The following DOT1L variants were observed in gnomAD, a reference collection of about 807,000 sequenced individuals.
DOT1L encodes the protein DOT1 like histone lysine methyltransferase.
Under a neutral mutation model 153.3 loss-of-function variants are expected in DOT1L, and 33 were observed. That is an observed-to-expected ratio of 0.22 (90% CI 0.16 to 0.29). The LOEUF is 0.29. DOT1L is among the 10% of genes least tolerant of loss of function. The pLI, the probability that DOT1L is intolerant of heterozygous loss-of-function variation, is 1.00. For synonymous variants in DOT1L, 1,135 were observed against 965.1 expected (o/e 1.18, Z -3.26); for missense variants, 1,847 against 2,119.9 (o/e 0.87, Z 2.53).
In DOT1L at chr19:2,190,470, G is replaced by C. The variant is rs1476197484; in HGVS notation, c.265-542G>C. Among the ~76,000 whole-genome samples, 1 of 152,086 alleles carries C rather than the reference G, an allele frequency of 6.6e-6. No individual in the cohort carries two copies. Among genetic ancestry groups the C allele is most frequent in the Non-Finnish European group, 1.5e-5 (1 of 67,996 alleles). On this transcript the variant is annotated intron_variant, in intron 4 of 27. Coordinates refer to ENST00000398665, the MANE Select transcript of DOT1L (RefSeq NM_032482.3). The surrounding 1 kb of genome is among the most constrained non-coding windows in gnomAD (Gnocchi z 4.8). The stretch of plus-strand genomic sequence containing the variant: ...GGGCTGCCCCATCAGCCTGCCACCC[G>C]GCTCTGGCTTCCCCTCAACCTCATG...
chr19:2,205,711 T>A (rs998068161), intron 9 of DOT1L, among the ~76,000 whole-genome samples: 13 of 152,148 alleles, frequency 8.5e-5, no homozygotes, highest in Non-Finnish European at 1.6e-4. Flanking sequence ...TGTTTTTTTT[T>A]GAGACAGGGT....
rs73514456 is a variant in DOT1L at position 2,182,467 on chromosome 19, G to A, written c.125+1711G>A. On this transcript the variant is annotated intron_variant, in intron 2 of 27. Coordinates refer to ENST00000398665, the MANE Select transcript of DOT1L (RefSeq NM_032482.3). ...GAGGTGGGAGGATCACTTGAGACCA[G>A]TGGCGCTGTGATTGTGCCACCGCCC... is the stretch of plus-strand genomic sequence containing the variant. Among the ~76,000 whole-genome samples, 1,483 of 152,284 alleles carry A rather than the reference G, an allele frequency of 9.7e-3. 23 individuals carry two copies. Among genetic ancestry groups the A allele is most frequent in the African/African-American group, 0.033 (1,390 of 41,548 alleles).
In DOT1L at chr19:2,206,733, C is replaced by T. The variant is rs756594301; in HGVS notation, c.792C>T (p.Gly264=). ...KERFANMKEG[G]RIVSSKPFAP... ...TAAGCAGTGTCTGTGTTTCAGGTGG[C>T]AGAATCGTGTCCTCGAAACCCTTTG... Residue 264 remains glycine (G), a synonymous_variant, in exon 10 of 28, where the codon GGC becomes GGT. Coordinates refer to ENST00000398665, the MANE Select transcript of DOT1L (RefSeq NM_032482.3). The T allele has an allele frequency of 7.4e-6, 12 of 1,613,700 alleles. No homozygotes were observed. The highest frequency in any genetic ancestry group is 1.3e-5 in the African/African-American group (1 of 74,870).
chr19:2,216,585 T>G lies in DOT1L; in HGVS notation c.2228T>G (p.Leu743Arg). The change falls in exon 20 of 28, where the codon CTG (leucine) becomes CGG (arginine). Residue 743 changes from leucine to arginine, a missense_variant. Physicochemically the swap from Leu to Arg is moderately radical, Grantham distance 102 (BLOSUM62 -2). This residue lies in a region of DOT1L where 281 missense variants were observed against 263.6 expected (regional missense o/e 1.07). Coordinates refer to ENST00000398665, the MANE Select transcript of DOT1L (RefSeq NM_032482.3). ...QNTPQYLASP[L>R]DQEVVPCTPS... ...ACGCCCCAGTACCTGGCCTCACCCC[T>G]GGACCAGGAGGTGGTGCCCTGTACC... 1 of 1,608,532 alleles carries G rather than the reference T, an allele frequency of 6.2e-7. No individual in the cohort carries two copies. The highest frequency in any genetic ancestry group is 8.5e-7 in the Non-Finnish European group (1 of 1,179,896).
chr19:2,196,786 G>A (rs962854213), intron 7 of DOT1L, among the ~76,000 whole-genome samples: 1 of 152,156 alleles, frequency 6.6e-6, no homozygotes, highest in Non-Finnish European at 1.5e-5. Flanking sequence ...AGGGCAAGAC[G>A]GGTACCCTTC....
rs1237226554 is a variant in DOT1L, at chr19:2,208,642, T to G, written c.964-293T>G. Among the ~76,000 whole-genome samples, 1 of 152,136 alleles carries G rather than the reference T, an allele frequency of 6.6e-6. No individual in the cohort carries two copies. The highest frequency in any genetic ancestry group is 1.5e-5 in the Non-Finnish European group (1 of 68,008). On this transcript the variant is annotated intron_variant, in intron 11 of 27. Transcript: ENST00000398665. The surrounding 1 kb of genome is among the most constrained non-coding windows in gnomAD (Gnocchi z 4.4). Reference sequence around the variant, plus strand: ...CGCGGTTCTTCTGTGCAGAAAGCCCTCCCTCTTCCAGAAGCAGAGACACAT... The same window carrying G: ...CGCGGTTCTTCTGTGCAGAAAGCCCGCCCTCTTCCAGAAGCAGAGACACAT...
chr19:2,227,687 GC>G, intron 27 of DOT1L: 1 of 1,294,024 alleles, frequency 7.7e-7, no homozygotes, highest in Non-Finnish European at 1.0e-6. Context: ...CTCTGCGCTT[GC>G]CTGGATGCTG....
Position 2,184,025 on chromosome 19 carries a change from C to T in DOT1L, c.126-1830C>T, listed in dbSNP as rs575637499. Among the ~76,000 whole-genome samples the T allele has an allele frequency of 2.6e-5, 4 of 152,316 alleles. No individual in the cohort carries two copies. The South Asian group carries it at 8.3e-4, about 32-fold the overall frequency. On this transcript the variant is annotated intron_variant, in intron 2 of 27. Coordinates refer to ENST00000398665, the MANE Select transcript of DOT1L (RefSeq NM_032482.3). ...CGGCCATGCCCCTGCTGAGCTCTGGCGGTGTCCGCGCGTATTCCTCAGCAC... is the reference window on the plus strand; with the variant it reads ...CGGCCATGCCCCTGCTGAGCTCTGGTGGTGTCCGCGCGTATTCCTCAGCAC...
rs1464076700 is a variant in DOT1L at position 2,190,880 on chromosome 19, G to C, written c.265-132G>C. 1.2e-6 allele frequency: 1 copy of C among 820,366 alleles called. No homozygotes were observed. The highest frequency in any genetic ancestry group is 1.9e-6 in the Non-Finnish European group (1 of 525,482). The allele number at this position is 820,366 out of a possible 1,614,324, so 50.8% of individuals were successfully genotyped here. Reference sequence around the variant, plus strand: ...TGGAAACTGACCTGGGAGCCCGGCAGCCACCCTGCAGGGGGACGAGAGGCC... The same window carrying C: ...TGGAAACTGACCTGGGAGCCCGGCACCCACCCTGCAGGGGGACGAGAGGCC... On this transcript the variant is annotated intron_variant, in intron 4 of 27. Transcript: ENST00000398665. The surrounding 1 kb of genome is among the most constrained non-coding windows in gnomAD (Gnocchi z 4.8).
rs2024288045 is a variant in DOT1L, at chr19:2,225,466, GT to G, written c.3661+18del. 1 of 1,613,926 alleles carries G rather than the reference GT, an allele frequency of 6.2e-7. No homozygotes were observed. The highest frequency in any genetic ancestry group is 1.1e-5 in the South Asian group (1 of 91,080). ...CCTTGGAAAATGGTGAGTAACAAGT[GT>G]TTTGCGGCGTGGCCAGGCCTGTCCG... On this transcript the variant is annotated intron_variant, in intron 26 of 27. Transcript: ENST00000398665.
chr19:2,214,105 CAGACGAATTGCGCCACCT>C, intron 18 of DOT1L, 119 bp downstream of exon 18: 1 of 1,438,324 alleles, frequency 7.0e-7, no homozygotes, highest in East Asian at 2.5e-5. Flanking sequence ...GGTTTGTTCC[CAGACGAATTGCGCCACCT>C]GTGAAAGCTT....
At chr19:2,224,636 G>A (rs1306747400) in intron 25 of DOT1L, among the ~76,000 whole-genome samples, 1 of 151,854 alleles carries the variant, frequency 6.6e-6, no homozygotes, top group South Asian at 2.1e-4. Flanking sequence ...TGCCTCGTTC[G>A]TTTTTTTGTT....
chr19:2,208,035 G>C lies in DOT1L; in HGVS notation c.963+355G>C, dbSNP rs2023571709. On this transcript the variant is annotated intron_variant, in intron 11 of 27. Transcript: ENST00000398665. The surrounding 1 kb of genome is among the most constrained non-coding windows in gnomAD (Gnocchi z 4.4). ...CTGTGGATAGGAGTCCCACGTCCCT[G>C]TTCCCAGCTTCCTCCATGTGAGAGG... 6.6e-6 allele frequency among the ~76,000 whole-genome samples: 1 copy of C among 152,152 alleles called. No homozygotes were observed. Among genetic ancestry groups the C allele is most frequent in the African/African-American group, 2.4e-5 (1 of 41,434 alleles).
intron 23 of DOT1L, 109 bp from the exon 24 acceptor site, chr19:2,221,866 TC>T: frequency 1.7e-6 from 2 of 1,162,646 alleles, no homozygotes; most frequent in South Asian, 3.2e-5. Flanking sequence ...CTTCCCCACT[TC>T]CCCGCCTCTC....
At position 2,223,582 on chromosome 19, in the gene DOT1L, G is replaced by A. The variant is rs147258848; in HGVS notation, c.3596+96G>A. ...TGTGGGTGGGTGGGTGGGGAGGACC[G>A]GCAGGCTCTTAGGGGGTGCCCTGGA... On this transcript the variant is annotated intron_variant, in intron 25 of 27. Transcript: ENST00000398665. 1.8e-3 allele frequency: 2,046 copies of A among 1,124,602 alleles called. 44 individuals carry two copies. In the African/African-American group the frequency reaches 0.031, roughly 17 times the overall value. The allele number at this position is 1,124,602 out of a possible 1,614,324, so 69.7% of individuals were successfully genotyped here. A position where few individuals can be genotyped will look rare whatever the true frequency, so the allele number is the denominator to read the frequency against.
chr19:2,214,948 G>T (rs2023843178), intron 19 of DOT1L, among the ~76,000 whole-genome samples: 1 of 152,212 alleles, frequency 6.6e-6, no homozygotes, highest in Non-Finnish European at 1.5e-5. Context: ...CGGTGCAGGG[G>T]CTTATGCCTG....
intron 2 of DOT1L, among the ~76,000 whole-genome samples, chr19:2,184,068 C>T (rs1053227060): frequency 6.6e-6 from 1 of 152,204 alleles, no homozygotes; most frequent in Non-Finnish European, 1.5e-5. Context: ...GGCGCAGAAC[C>T]ACGGGACTGA....
intron 8 of DOT1L, among the ~76,000 whole-genome samples, chr19:2,201,012 C>T (rs1454333133): frequency 5.8e-5 from 7 of 121,140 alleles, no homozygotes; most frequent in East Asian, 2.8e-4. Flanking sequence ...TCGTCCTCCC[C>T]GCATTCCTCG....
chr19:2,226,946 G>A lies in DOT1L; in HGVS notation c.4425G>A (p.Ala1475=), dbSNP rs768374027. 1.2e-5 allele frequency: 19 copies of A among 1,585,926 alleles called. No homozygotes were observed. The highest frequency in any genetic ancestry group is 5.1e-5 in the Admixed American group (3 of 58,452). The change falls in exon 27 of 28, where the codon GCG becomes GCA. Residue 1475 remains alanine, a synonymous_variant. Transcript: ENST00000398665. ...CCTTCCCGCCGGGACCGCAGTTCGC[G>A]CTCGGCCCCATGTCCCTGCAGGCCA... ...LGPFPPGPQF[A]LGPMSLQANL... is the part of the protein sequence containing the mutation.
Sources: allele counts gnomAD v4.1 joint callset (sites outside exome capture counted in the v4.1 genomes callset), GRCh38; gene constraint gnomAD v4.1.1; regional missense constraint gnomAD v4.1.1; non-coding constraint Gnocchi (gnomAD v3.1); transcripts MANE v1.5; gene names NCBI Gene and HGNC (gene_info 2026-07-23, HGNC 2026-07-21).